CLDN14: variants seen among roughly 807,000 people sequenced by gnomAD.
CLDN14 encodes claudin-14.
CLDN14 carries 2 observed loss-of-function variants against 2.1 expected under a neutral mutation model. The ratio of observed to expected loss-of-function variants is 0.96; its 90% confidence interval spans 0.39 to 3.01. CLDN14 has a LOEUF of 3.01. Ranked by LOEUF, CLDN14 falls within the 30% of genes most tolerant of loss-of-function variation. The pLI is 0.09. For missense variants in CLDN14, 298 were observed against 328.0 expected (o/e 0.91, Z 0.71); for synonymous variants, 136 against 154.4 (o/e 0.88, Z 0.88).
In CLDN14 at chr21:36,464,376, G is replaced by C. The variant is rs567879003; in HGVS notation, c.-81-2600C>G. On this transcript the variant is annotated intron_variant, in intron 1 of 1. Transcript: ENST00000399135. ...TTGCGAGAACGGACTGATACACCGA[G>C]TATTTTTCTGCTGCTGTTTTTCTGC... 2.0e-4 allele frequency among the ~76,000 whole-genome samples: 30 copies of C among 152,322 alleles called. 1 individual carries two copies. Among genetic ancestry groups the C allele is most frequent in the Middle Eastern group, 3.4e-3 (1 of 294 alleles).
chr21:36,508,941 G>C (rs544469458), intron 2 of CLDN14, among the ~76,000 whole-genome samples: 4 of 152,148 alleles, frequency 2.6e-5, no homozygotes, highest in Admixed American at 1.3e-4. Context: ...CTGCAAGTTT[G>C]AGGCAAAAAA....
chr21:36,487,579 G>A (rs564906980), intron 2 of CLDN14: 1 of 152,398 alleles, frequency 6.6e-6, no homozygotes, highest in South Asian at 2.1e-4. Context: ...TTAATAGCGA[G>A]GATCAGTGAG....
At chr21:36,463,433 G>A (rs993338694) in intron 1 of CLDN14, among the ~76,000 whole-genome samples, 3 of 152,186 alleles carry the variant, frequency 2.0e-5, no homozygotes, top group African/African-American at 4.8e-5. Context: ...AATCCCCATC[G>A]GGGCTCGGCG....
At chr21:36,485,853 C>CT (rs371184847) in intron 2 of CLDN14, 28,409 of 418,594 alleles carry the variant, frequency 0.068, 43 homozygotes, top group Non-Finnish European at 0.078. Flanking sequence ...GTTCCATTTC[C>CT]TTTTTTTTTT....
At chr21:36,510,631 G>A (rs570456903) in intron 1 of CLDN14, 2 of 152,368 alleles carry the variant, frequency 1.3e-5, no homozygotes, top group African/African-American at 4.8e-5. Context: ...AGGTTGGAGA[G>A]GAGGAAAACC....
chr21:36,465,133 C>T (rs753321597), intron 1 of CLDN14, among the ~76,000 whole-genome samples: 13 of 152,274 alleles, frequency 8.5e-5, no homozygotes, highest in Admixed American at 3.9e-4. Context: ...CCCAGATCTC[C>T]GAATGGCCTC....
chr21:36,495,937 G>A (rs1387712870), intron 2 of CLDN14, among the ~76,000 whole-genome samples: 2 of 152,174 alleles, frequency 1.3e-5, no homozygotes, highest in Non-Finnish European at 2.9e-5. Flanking sequence ...GAATGCTGGG[G>A]ATGGCCAGGC....
At chr21:36,529,254 T>C (rs1417917255) in intron 1 of CLDN14, among the ~76,000 whole-genome samples, 1 of 152,192 alleles carries the variant, frequency 6.6e-6, no homozygotes, top group Non-Finnish European at 1.5e-5. Flanking sequence ...GTTTAGTCCT[T>C]TCATACCCAC....
chr21:36,569,835 T>G (rs1190760185), intron 1 of CLDN14, among the ~76,000 whole-genome samples: 1 of 152,208 alleles, frequency 6.6e-6, no homozygotes, highest in East Asian at 1.9e-4. Flanking sequence ...AATGTACAAC[T>G]TCAGCAGTGA....
At chr21:36,532,607 T>C (rs1280640591) in intron 1 of CLDN14, among the ~76,000 whole-genome samples, 2 of 151,540 alleles carry the variant, frequency 1.3e-5, no homozygotes, top group Non-Finnish European at 2.9e-5. Context: ...AATAATAAAA[T>C]TAAAAAAAAA....
At chr21:36,518,893 ATAACTCCAAC>A (rs1388546508) in intron 1 of CLDN14, among the ~76,000 whole-genome samples, 1 of 152,242 alleles carries the variant, frequency 6.6e-6, no homozygotes, top group Non-Finnish European at 1.5e-5. Context: ...ACAGGAGATC[ATAACTCCAAC>A]TAATGCAACC....
upstream of CLDN14, among the ~76,000 whole-genome samples, chr21:36,484,635 C>T (rs1441037860): frequency 1.3e-5 from 2 of 152,178 alleles, no homozygotes. Flanking sequence ...GGTGGTCTTC[C>T]TGCATGTCTC....
rs1258982080 is a variant in CLDN14, at chr21:36,498,410, C to G, written c.-82+11953G>C. ...TCTGGTCCTGGAAGATCTATATGAA[C>G]TTGTATTTTACATCTCTTGTCTGGA... On this transcript the variant is annotated intron_variant, in intron 2 of 2. Coordinates refer to the CLDN14 transcript ENST00000342108. This position sits in a 1 kb window ranked among gnomAD's most constrained non-coding sequence, Gnocchi z 4.9. 6.6e-6 allele frequency among the ~76,000 whole-genome samples: 1 copy of G among 152,156 alleles called. No individual in the cohort carries two copies. The highest frequency in any genetic ancestry group is 1.5e-5 in the Non-Finnish European group (1 of 68,040).
rs939493759 is a variant in CLDN14 at position 36,556,297 on chromosome 21, C to T, written c.-220+20114G>A. ...GTCTTCTAATTATAGCAGATTCACC[C>T]AGGGCCAGAGGTGACCTAAGTCAGA... is the stretch of plus-strand genomic sequence containing the variant. On this transcript the variant is annotated intron_variant, in intron 1 of 2. Transcript: ENST00000342108. 2.0e-5 allele frequency among the ~76,000 whole-genome samples: 3 copies of T among 152,180 alleles called. No individual in the cohort carries two copies. The East Asian group carries it at 5.8e-4, about 29-fold the overall frequency.
intron 1 of CLDN14, among the ~76,000 whole-genome samples, chr21:36,575,230 C>A (rs1289234184): frequency 2.6e-5 from 4 of 152,198 alleles, no homozygotes; most frequent in Non-Finnish European, 5.9e-5. Flanking sequence ...TCTCTTGGTT[C>A]TATCGGCTCT....
In CLDN14 at chr21:36,569,281, T is replaced by C. The variant is rs979784850; in HGVS notation, c.-220+7130A>G. ...AAATACAAAAATTAGCCAGGCATGG[T>C]GGTGCATGTCTGTAGTTCCAGCTAC... On this transcript the variant is annotated intron_variant, in intron 1 of 2. Transcript: ENST00000342108. 2.0e-5 allele frequency among the ~76,000 whole-genome samples: 3 copies of C among 152,082 alleles called. No homozygotes were observed. In the East Asian group the frequency reaches 5.8e-4, roughly 29 times the overall value.
intron 1 of CLDN14, among the ~76,000 whole-genome samples, chr21:36,465,712 C>CAGGGCTGAACTGGT (rs1441519158): frequency 1.3e-5 from 2 of 152,242 alleles, no homozygotes; most frequent in African/African-American, 4.8e-5. Flanking sequence ...GCAGCCCATG[C>CAGGGCTGAACTGGT]AGGGCTGAAC....
chr21:36,524,333 G>C (rs1192969350), intron 1 of CLDN14, among the ~76,000 whole-genome samples: 3 of 152,150 alleles, frequency 2.0e-5, no homozygotes, highest in Admixed American at 2.0e-4. Flanking sequence ...TGTTACCCAG[G>C]CTGGTCACAA....
At chr21:36,570,476 G>A (rs1348814705) in intron 1 of CLDN14, among the ~76,000 whole-genome samples, 1 of 152,144 alleles carries the variant, frequency 6.6e-6, no homozygotes, top group Non-Finnish European at 1.5e-5. Context: ...CCATTCAGAT[G>A]GTTGAGGGGT....
Sources: gnomAD v4.1 joint callset for allele counts (sites outside exome capture counted in the v4.1 genomes callset) on GRCh38, gnomAD v4.1.1 for gene constraint, Gnocchi (gnomAD v3.1) non-coding constraint, MANE v1.5 for transcripts, NCBI Gene and HGNC (gene_info 2026-07-23, HGNC 2026-07-21) for gene names.